The following KAT6B variants were observed in gnomAD, a reference collection of about 807,000 sequenced individuals.
KAT6B encodes lysine acetyltransferase 6B.
Under a neutral mutation model 187.5 loss-of-function variants are expected in KAT6B, and 10 were observed. That is an observed-to-expected ratio of 0.05 (90% CI 0.03 to 0.09). The LOEUF is 0.09. KAT6B is among the 10% of genes least tolerant of loss of function. KAT6B has a pLI of 1.00. For synonymous variants in KAT6B, 861 were observed against 926.8 expected (o/e 0.93, Z 1.29); for missense variants, 1,952 against 2,558.9 (o/e 0.76, Z 5.12).
chr10:74,997,143 C>G (rs1484468993), intron 13 of KAT6B, among the ~76,000 whole-genome samples: 3 of 152,098 alleles, frequency 2.0e-5, no homozygotes, highest in African/African-American at 7.2e-5. Context: ...AGGAGACTCA[C>G]TTGAGCCCAG....
At chr10:74,971,344 A>G (rs138188474) in intron 6 of KAT6B, among the ~76,000 whole-genome samples, 5 of 152,250 alleles carry the variant, frequency 3.3e-5, no homozygotes, top group Admixed American at 6.5e-5. Context: ...AAGGATACCT[A>G]TTTTCCTGTA....
intron 11 of KAT6B, 24 bp downstream of exon 11, chr10:74,981,952 T>A (rs890420517): frequency 1.9e-6 from 3 of 1,610,416 alleles, no homozygotes; most frequent in African/African-American, 1.3e-5. Flanking sequence ...AATAAAAAAA[T>A]TCAGCTTTTT....
At chr10:74,984,176 G>C (rs576761196) in intron 11 of KAT6B, 1 of 152,260 alleles carries the variant, frequency 6.6e-6, no homozygotes, top group African/African-American at 2.4e-5. Context: ...TGGGACCTAG[G>C]TTCCATCCGA....
intron 13 of KAT6B, among the ~76,000 whole-genome samples, chr10:75,015,947 C>CG (rs1844949515): frequency 6.6e-6 from 1 of 152,132 alleles, no homozygotes; most frequent in Admixed American, 6.5e-5. Flanking sequence ...CTGCCCCTGT[C>CG]GGGGGAGATC....
intron 3 of KAT6B, among the ~76,000 whole-genome samples, chr10:74,904,107 G>A (rs1424611182): frequency 6.6e-6 from 1 of 152,166 alleles, no homozygotes; most frequent in Non-Finnish European, 1.5e-5. Flanking sequence ...TCACAACAAG[G>A]ATGGCCTTCT....
chr10:74,841,240 C>G (rs1185865578), intron 2 of KAT6B, among the ~76,000 whole-genome samples: 1 of 152,152 alleles, frequency 6.6e-6, no homozygotes, highest in Non-Finnish European at 1.5e-5. Context: ...CTAGAGCAGG[C>G]AGTTGTGGCT....
At chr10:74,879,648 C>T (rs1468709491) in intron 3 of KAT6B, among the ~76,000 whole-genome samples, 3 of 152,182 alleles carry the variant, frequency 2.0e-5, no homozygotes, top group Non-Finnish European at 4.4e-5. Flanking sequence ...TTCTGAGAAG[C>T]CTTTCAATGA....
At chr10:74,834,296 C>T (rs1841105305) in intron 1 of KAT6B, among the ~76,000 whole-genome samples, 1 of 151,362 alleles carries the variant, frequency 6.6e-6, no homozygotes, top group Non-Finnish European at 1.5e-5. Flanking sequence ...CTCCGGGGTT[C>T]AAGCAATTCC....
At chr10:74,911,344 C>T (rs1208995748) in intron 3 of KAT6B, among the ~76,000 whole-genome samples, 2 of 150,346 alleles carry the variant, frequency 1.3e-5, no homozygotes, top group South Asian at 4.2e-4. Context: ...AGTCTCAACT[C>T]ACTGCAACCT....
chr10:75,004,964 C>T (rs1343691533), intron 13 of KAT6B, among the ~76,000 whole-genome samples: 2 of 151,962 alleles, frequency 1.3e-5, no homozygotes, highest in Non-Finnish European at 2.9e-5. Flanking sequence ...ATGCTCCTGC[C>T]TCGGCCTCCC....
At chr10:74,892,718 T>C (rs1383131594) in intron 3 of KAT6B, among the ~76,000 whole-genome samples, 1 of 152,082 alleles carries the variant, frequency 6.6e-6, no homozygotes, top group Non-Finnish European at 1.5e-5. Flanking sequence ...ACGGTTGAAT[T>C]CAAGAGGGTA....
Position 75,030,095 on chromosome 10 carries a change from G to A in KAT6B, c.5271G>A (p.Glu1757=), listed in dbSNP as rs1846194381. The A allele has an allele frequency of 6.2e-7, 1 of 1,614,100 alleles. No homozygotes were observed. The highest frequency in any genetic ancestry group is 8.5e-7 in the Non-Finnish European group (1 of 1,180,036). ...AGTCTCCTCAAGGCTGTGTGGTGGA[G>A]AGGCCTCCGAGCAGCAGCCAGCAGC... The part of the protein sequence containing the change: ...SVKSPQGCVV[E]RPPSSSQQLA... The change falls in exon 18 of 18, where the codon GAG becomes GAA. Residue 1757 remains glutamate, a synonymous_variant. Transcript: ENST00000287239. The surrounding 1 kb of genome is among the most constrained non-coding windows in gnomAD (Gnocchi z 4.8).
Position 75,030,296 on chromosome 10 carries a change from T to G in KAT6B, c.5472T>G (p.Thr1824=). Residue 1824 remains threonine, a synonymous_variant, in exon 18 of 18, where the codon ACT becomes ACG. Transcript: ENST00000287239. This position sits in a 1 kb window ranked among gnomAD's most constrained non-coding sequence, Gnocchi z 4.8. ...TFSLAKLQQL[T]NTLIDHSLPY... ...GCCTTGCCAAACTGCAGCAGTTAAC[T>G]AATACACTTATTGATCATTCATTGC... 1 of 1,614,264 alleles carries G rather than the reference T, an allele frequency of 6.2e-7. No homozygotes were observed. The highest frequency in any genetic ancestry group is 8.5e-7 in the Non-Finnish European group (1 of 1,180,044).
chr10:74,828,289 G>A (rs1020349449), intron 1 of KAT6B, among the ~76,000 whole-genome samples: 1 of 152,136 alleles, frequency 6.6e-6, no homozygotes, highest in Admixed American at 6.5e-5. Context: ...TGGGAAATAG[G>A]AAATGAAGAC....
At chr10:74,957,641 T>C (rs1840783360) in intron 3 of KAT6B, among the ~76,000 whole-genome samples, 1 of 152,240 alleles carries the variant, frequency 6.6e-6, no homozygotes, top group Admixed American at 6.5e-5. Context: ...AAATTATTTA[T>C]CAGTGCAAGG....
At chr10:74,863,936 C>T (rs1843369441) in intron 3 of KAT6B, among the ~76,000 whole-genome samples, 1 of 151,940 alleles carries the variant, frequency 6.6e-6, no homozygotes, top group Non-Finnish European at 1.5e-5. Context: ...GTCCCTCATA[C>T]ACATACACTT....
intron 3 of KAT6B, among the ~76,000 whole-genome samples, chr10:74,854,400 A>G (rs1270081717): frequency 6.6e-6 from 1 of 152,214 alleles, no homozygotes; most frequent in Non-Finnish European, 1.5e-5. Context: ...GTTGCAAACT[A>G]CATATTCTTT....
chr10:74,983,693 A>G lies in KAT6B; in HGVS notation c.2374-1387A>G, dbSNP rs141813003. 5 of 152,384 alleles carry G rather than the reference A, an allele frequency of 3.3e-5. No homozygotes were observed. In the East Asian group the frequency reaches 7.7e-4, roughly 24 times the overall value. The allele number at this position is 152,384 out of a possible 1,614,324, so 9.4% of individuals were successfully genotyped here. On this transcript the variant is annotated intron_variant, in intron 11 of 17. Coordinates refer to ENST00000287239, the MANE Select transcript of KAT6B (RefSeq NM_012330.4). ...GGGAATCAGTCTTGTTAGGATGGTA[A>G]GAATGGGCTGTTCTTTCAGGGCAGG...
At chr10:74,943,070 C>T (rs924127125) in intron 3 of KAT6B, among the ~76,000 whole-genome samples, 2 of 152,120 alleles carry the variant, frequency 1.3e-5, no homozygotes, top group Admixed American at 1.3e-4. Flanking sequence ...ACCATATGGT[C>T]ATCTATATCA....
Sources: gnomAD v4.1 joint callset for allele counts (sites outside exome capture counted in the v4.1 genomes callset) on GRCh38, gnomAD v4.1.1 for gene constraint, Gnocchi (gnomAD v3.1) non-coding constraint, MANE v1.5 for transcripts, NCBI Gene and HGNC (gene_info 2026-07-23, HGNC 2026-07-21) for gene names.